Variants in LYPLAL1 observed in about 807,000 individuals in gnomAD.
The protein encoded by LYPLAL1 is lysophospholipase like 1.
LYPLAL1 carries 23 observed loss-of-function variants against 19.7 expected under a neutral mutation model. The ratio of observed to expected loss-of-function variants is 1.17; its 90% CI spans 0.84 to 1.65. LYPLAL1 has a LOEUF of 1.65. Ranked by LOEUF, LYPLAL1 falls within the 40% of genes most tolerant of loss-of-function variation. LYPLAL1 has a pLI of 0.00. For synonymous variants in LYPLAL1, 119 were observed against 96.3 expected (o/e 1.24, Z -1.38); for missense variants, 355 against 279.4 (o/e 1.27, Z -1.93).
At chr1:219,175,192 T>TC in intron 1 of LYPLAL1, 1 of 732,556 alleles carries the variant, frequency 1.4e-6, no homozygotes, top group Non-Finnish European at 1.7e-6. Context: ...GGATTTGGGA[T>TC]TAGAACCCAA....
chr1:219,401,224 G>A, the LYPLAL1 span, among the ~76,000 whole-genome samples: 6 of 151,222 alleles, frequency 4.0e-5, no homozygotes, highest in East Asian at 1.2e-3. Context: ...GATTAATACT[G>A]TTTATTTATT....
the LYPLAL1 span, among the ~76,000 whole-genome samples, chr1:219,254,181 T>G: frequency 6.6e-6 from 1 of 152,060 alleles, no homozygotes; most frequent in Non-Finnish European, 1.5e-5. Context: ...TCATTACGTT[T>G]GAGACGGATC....
intron 2 of LYPLAL1, chr1:219,179,558 A>T (rs1656102250): frequency 4.5e-6 from 1 of 222,108 alleles, no homozygotes; most frequent in Non-Finnish European, 8.7e-6. Flanking sequence ...TCTTCCCTAC[A>T]TTCACCCCAA....
At chr1:219,408,911 G>A in the LYPLAL1 span, among the ~76,000 whole-genome samples, 1 of 152,132 alleles carries the variant, frequency 6.6e-6, no homozygotes, top group African/African-American at 2.4e-5. Flanking sequence ...TGAGGATTTT[G>A]TGTTTTTATC....
At chr1:219,403,964 A>G in the LYPLAL1 span, among the ~76,000 whole-genome samples, 1 of 152,172 alleles carries the variant, frequency 6.6e-6, no homozygotes, top group African/African-American at 2.4e-5. Context: ...TAAGGATAGA[A>G]GTTCAAGATC....
chr1:219,370,079 A>C, the LYPLAL1 span, among the ~76,000 whole-genome samples: 1 of 152,248 alleles, frequency 6.6e-6, no homozygotes, highest in African/African-American at 2.4e-5. Context: ...TGATAGAAGC[A>C]AGAATTGCCT....
the LYPLAL1 span, among the ~76,000 whole-genome samples, chr1:219,249,889 T>C: frequency 4.6e-5 from 7 of 152,002 alleles, no homozygotes; most frequent in African/African-American, 1.7e-4. Context: ...TGCTTTTTGT[T>C]TGTTTAATTG....
At chr1:219,323,292 G>C in the LYPLAL1 span, among the ~76,000 whole-genome samples, 1 of 152,172 alleles carries the variant, frequency 6.6e-6, no homozygotes, top group African/African-American at 2.4e-5. Flanking sequence ...AAGACCTCAT[G>C]AAGAGGAAGA....
At chr1:219,427,213 T>C in the LYPLAL1 span, among the ~76,000 whole-genome samples, 1 of 152,226 alleles carries the variant, frequency 6.6e-6, no homozygotes, top group Non-Finnish European at 1.5e-5. Context: ...TATCAAATTT[T>C]GCATCCATTT....
the LYPLAL1 span, among the ~76,000 whole-genome samples, chr1:219,402,336 A>C: frequency 2.0e-5 from 3 of 152,306 alleles, 1 homozygote; most frequent in South Asian, 6.2e-4. Context: ...ACAAAAAAGA[A>C]AGTAAATTGC....
At chr1:219,328,810 A>G in the LYPLAL1 span, among the ~76,000 whole-genome samples, 1 of 152,160 alleles carries the variant, frequency 6.6e-6, no homozygotes, top group South Asian at 2.1e-4. Flanking sequence ...TTTTGTTGCA[A>G]TTATTTTCTT....
chr1:219,357,673 T>C, the LYPLAL1 span, among the ~76,000 whole-genome samples: 1 of 152,200 alleles, frequency 6.6e-6, no homozygotes, highest in Admixed American at 6.5e-5. Context: ...TCTTGCCGTA[T>C]AATCTAGCAA....
At chr1:219,252,846 T>G in the LYPLAL1 span, among the ~76,000 whole-genome samples, 1 of 152,102 alleles carries the variant, frequency 6.6e-6, no homozygotes, top group Non-Finnish European at 1.5e-5. Context: ...TGGAACGGTT[T>G]CTGTAGGAAG....
At chr1:219,402,852 A>G in the LYPLAL1 span, among the ~76,000 whole-genome samples, 1 of 152,114 alleles carries the variant, frequency 6.6e-6, no homozygotes, top group Non-Finnish European at 1.5e-5. Context: ...AACCTAAGAA[A>G]AGGGTTATTA....
At chr1:219,390,444 C>T in the LYPLAL1 span, among the ~76,000 whole-genome samples, 1 of 152,200 alleles carries the variant, frequency 6.6e-6, no homozygotes, top group African/African-American at 2.4e-5. Flanking sequence ...GAGTCATCAT[C>T]ACAACCAGAC....
the LYPLAL1 span, among the ~76,000 whole-genome samples, chr1:219,294,218 G>T: frequency 5.3e-5 from 8 of 152,322 alleles, no homozygotes; most frequent in East Asian, 1.3e-3. Flanking sequence ...CATCTCTCTG[G>T]AAGGATGCCT....
the LYPLAL1 span, among the ~76,000 whole-genome samples, chr1:219,403,764 C>T: frequency 0.21 from 32,182 of 152,070 alleles, 3,697 homozygotes; most frequent in Middle Eastern, 0.36. Flanking sequence ...ATTTAAGAAC[C>T]TCAATCTGAG....
chr1:219,291,613 C>T, the LYPLAL1 span, among the ~76,000 whole-genome samples: 1 of 152,126 alleles, frequency 6.6e-6, no homozygotes, highest in African/African-American at 2.4e-5. Flanking sequence ...GTGATGATTA[C>T]AGTCATATGT....
At chr1:219,250,970 G>A in the LYPLAL1 span, among the ~76,000 whole-genome samples, 1 of 151,890 alleles carries the variant, frequency 6.6e-6, no homozygotes, top group African/African-American at 2.4e-5. Context: ...AGCATCTATT[G>A]TTTTTTGGCT....
Sources: allele counts gnomAD v4.1 joint callset (sites outside exome capture counted in the v4.1 genomes callset), GRCh38; gene constraint gnomAD v4.1.1; transcripts MANE v1.5; gene names NCBI Gene and HGNC (gene_info 2026-07-23, HGNC 2026-07-21).